Variants in HHATL observed in about 807,000 individuals in gnomAD.
HHATL encodes hedgehog acyltransferase like, also known as protein-cysteine N-palmitoyltransferase HHAT-like protein.
A neutral mutation model predicts 59.7 loss-of-function variants in HHATL; 49 were observed. That is an observed-to-expected ratio of 0.82 (90% confidence interval 0.65 to 1.04). The LOEUF (loss-of-function observed/expected upper bound fraction) is 1.04, where lower values mean the gene tolerates loss of function less well. Among genes scored for constraint, HHATL ranks in the 50% least tolerant of loss-of-function variants. The pLI is 0.00. For missense variants in HHATL, 605 were observed against 650.8 expected (o/e 0.93, Z 0.77); for synonymous variants, 238 against 257.3 (o/e 0.93, Z 0.72).
Position 42,698,756 on chromosome 3 carries a change from G to C in HHATL, c.435C>G (p.Gly145=). The C allele has an allele frequency of 1.9e-6, 3 of 1,602,120 alleles. No individual in the cohort carries two copies. Among genetic ancestry groups the C allele is most frequent in the East Asian group, 4.5e-5 (2 of 44,846 alleles). Residue 145 remains glycine, a synonymous_variant, in exon 5 of 12, where the codon GGC becomes GGG. Transcript: ENST00000441594. ...LGQPWLCLGL[G]LASLASFKMD... is the part of the protein sequence containing the mutation. ...TCTTGAAGGAGGCCAGGCTGGCCAA[G>C]CCAAGGCCAAGACAGAGCCAGGGCT...
intron 1 of HHATL, among the ~76,000 whole-genome samples, chr3:42,702,266 G>A (rs756944037): frequency 5.2e-4 from 79 of 152,232 alleles, no homozygotes; most frequent in Non-Finnish European, 9.4e-4. Flanking sequence ...GCATGGTGAA[G>A]AGCCCGTGAA....
At chr3:42,693,839 G>C in intron 9 of HHATL, 21 bp from the exon 10 acceptor site, 16 of 1,599,208 alleles carry the variant, frequency 1.0e-5, no homozygotes, top group Non-Finnish European at 1.4e-5. Context: ...GATGGGAGAA[G>C]GGCCACTGGG....
chr3:42,693,817 A>G lies in HHATL; in HGVS notation c.1048T>C (p.Tyr350His), dbSNP rs771076778. 3.1e-6 allele frequency: 5 copies of G among 1,612,726 alleles called. No homozygotes were observed. The South Asian group carries it at 4.4e-5, about 14-fold the overall frequency. The change falls in exon 10 of 12, where the codon TAT (tyrosine) becomes CAT (histidine). Residue 350 changes from tyrosine to histidine, a missense_variant and splice_region_variant. Tyr to His is a moderately conservative substitution (Grantham distance 83). Coordinates refer to ENST00000441594, the MANE Select transcript of HHATL (RefSeq NM_020707.4). The stretch of plus-strand genomic sequence containing the variant: ...TCCCCACCAATGTGGTTATACACAT[A>G]TCTGCAGGAAAGATGGGAGAAGGGC... ...DRGINDWLCK[Y>H]VYNHIGGEHS...
intron 11 of HHATL, 75 bp from the exon 12 acceptor site, chr3:42,692,950 C>A: frequency 1.9e-6 from 3 of 1,582,858 alleles, no homozygotes; most frequent in Non-Finnish European, 2.6e-6. Context: ...CCACCCCTCT[C>A]CCCGCTTGAT....
chr3:42,699,855 G>C (rs781459889), intron 2 of HHATL, 30 bp from the exon 3 acceptor site: 6 of 1,534,786 alleles, frequency 3.9e-6, no homozygotes, highest in Middle Eastern at 1.7e-4. Flanking sequence ...TCAGGGAGAG[G>C]GGCCTTCACA....
At chr3:42,696,547 C>G (rs339693) in intron 9 of HHATL, among the ~76,000 whole-genome samples, 2 of 151,936 alleles carry the variant, frequency 1.3e-5, no homozygotes, top group Non-Finnish European at 2.9e-5. Context: ...AGGCTGCAGA[C>G]AGCAATTTGA....
intron 5 of HHATL, 85 bp from the exon 6 acceptor site, chr3:42,698,436 AG>A (rs1490647539): frequency 3.7e-5 from 48 of 1,309,304 alleles, no homozygotes; most frequent in Non-Finnish European, 2.2e-5. Flanking sequence ...AGCTTCCCAC[AG>A]GGGCCCAGCC....
intron 6 of HHATL, 50 bp downstream of exon 6, chr3:42,698,092 G>T: frequency 6.4e-7 from 1 of 1,558,104 alleles, no homozygotes; most frequent in South Asian, 1.1e-5. Context: ...ACCCCAATCT[G>T]AAAAGGGAGA....
chr3:42,696,722 T>G (rs1697626746), intron 9 of HHATL, 120 bp downstream of exon 9: 1 of 1,062,374 alleles, frequency 9.4e-7, no homozygotes, highest in East Asian at 2.6e-5. Context: ...ACCTCCTCAC[T>G]GCCCTCTTTG....
rs1201331743 is a variant in HHATL at position 42,701,582 on chromosome 3, A to T, written c.-13-743T>A. ...GCCCAGGAGTAGCGGATGTGGGGCCAGGCGGGGCCAGGCGGGGCCAGGGAG... is the reference window on the plus strand; with the variant it reads ...GCCCAGGAGTAGCGGATGTGGGGCCTGGCGGGGCCAGGCGGGGCCAGGGAG... On this transcript the variant is annotated intron_variant, in intron 1 of 11. Transcript: ENST00000441594. The surrounding 1 kb of genome is among the most constrained non-coding windows in gnomAD (Gnocchi z 5.1). 1 of 151,728 alleles carries T rather than the reference A, an allele frequency of 6.6e-6. No individual in the cohort carries two copies. Among genetic ancestry groups the T allele is most frequent in the East Asian group, 2.0e-4 (1 of 5,004 alleles). The allele number at this position is 151,728 out of a possible 1,614,324, so 9.4% of individuals were successfully genotyped here. A position where few individuals can be genotyped will look rare whatever the true frequency, so the allele number is the denominator to read the frequency against.
rs1365488433 is a variant in HHATL at position 42,696,970 on chromosome 3, G to T, written c.1010+31C>A. The T allele has an allele frequency of 1.9e-6, 3 of 1,612,910 alleles. No individual in the cohort carries two copies. The Admixed American group carries it at 5.0e-5, about 27-fold the overall frequency. Reference sequence around the variant, plus strand: ...CTAGGGGAAGGTGTGGTCCCAGGGGGTGAGCCTCCCCCGTCCTGGCCAGCA... The same window carrying T: ...CTAGGGGAAGGTGTGGTCCCAGGGGTTGAGCCTCCCCCGTCCTGGCCAGCA... On this transcript the variant is annotated intron_variant, in intron 8 of 11. Coordinates refer to ENST00000441594, the MANE Select transcript of HHATL (RefSeq NM_020707.4).
Position 42,696,993 on chromosome 3 carries a change from G to A in HHATL, c.1010+8C>T, listed in dbSNP as rs375915278. 3.1e-4 allele frequency: 491 copies of A among 1,609,828 alleles called. No homozygotes were observed. The highest frequency in any genetic ancestry group is 4.0e-4 in the Non-Finnish European group (466 of 1,177,564). On this transcript the variant is annotated splice_region_variant and intron_variant, in intron 8 of 11. Coordinates refer to ENST00000441594, the MANE Select transcript of HHATL (RefSeq NM_020707.4). The stretch of plus-strand genomic sequence containing the variant: ...GGGTGAGCCTCCCCCGTCCTGGCCA[G>A]CACTCACGTTTCCGCAAAGACGTAG...
chr3:42,698,401 C>T (rs1039703999), intron 5 of HHATL, 50 bp from the exon 6 acceptor site: 1 of 1,549,120 alleles, frequency 6.5e-7, no homozygotes, highest in Admixed American at 1.7e-5. Context: ...CCTCCTGTCT[C>T]TGGAAAACCT....
In HHATL at chr3:42,699,751, G is replaced by C. The variant is rs1360613304; in HGVS notation, c.174+7C>G. 17 of 1,575,932 alleles carry C rather than the reference G, an allele frequency of 1.1e-5. No individual in the cohort carries two copies. Among genetic ancestry groups the C allele is most frequent in the South Asian group, 2.3e-5 (2 of 85,856 alleles). ...ATGGGAGGGACCCTGGGATGTGGGG[G>C]ACCTACCATCTTCCGGCCAATGTAC... On this transcript the variant is annotated splice_region_variant and intron_variant, in intron 3 of 11. Coordinates refer to ENST00000441594, the MANE Select transcript of HHATL (RefSeq NM_020707.4).
At chr3:42,702,302 C>A (rs927677094) in intron 1 of HHATL, among the ~76,000 whole-genome samples, 1 of 152,214 alleles carries the variant, frequency 6.6e-6, no homozygotes, top group Non-Finnish European at 1.5e-5. Flanking sequence ...GCCTCCCACT[C>A]GCCACTTTCC....
Position 42,698,922 on chromosome 3 carries a change from T to G in HHATL, c.289-20A>C, listed in dbSNP as rs143122687. The G allele has an allele frequency of 6.6e-4, 1,054 of 1,603,860 alleles. 7 individuals carry two copies. The African/African-American group carries it at 0.013, about 19-fold the overall frequency. Reference sequence around the variant, plus strand: ...GCGGAGCTGTGGGCAGGGAGAAGGCTTCAGTTTCGCCATATAAATGGGGGC... The same window carrying G: ...GCGGAGCTGTGGGCAGGGAGAAGGCGTCAGTTTCGCCATATAAATGGGGGC... On this transcript the variant is annotated intron_variant, in intron 4 of 11. Transcript: ENST00000441594.
Position 42,693,632 on chromosome 3 carries a change from G to C in HHATL, c.1233C>G (p.Pro411=), listed in dbSNP as rs1320375364. 2 of 1,614,028 alleles carry C rather than the reference G, an allele frequency of 1.2e-6. No homozygotes were observed. Among genetic ancestry groups the C allele is most frequent in the Non-Finnish European group, 1.7e-6 (2 of 1,179,992 alleles). The part of the protein sequence containing the change: ...LWMQKLAEWG[P]LARIEASLSV... Reference sequence around the variant, plus strand: ...CCCTGCTCACCTCAATTCGTGCTAGGGGCCCCCACTCTGCCAGTTTTTGCA... The same window carrying C: ...CCCTGCTCACCTCAATTCGTGCTAGCGGCCCCCACTCTGCCAGTTTTTGCA... Residue 411 remains proline (P), a synonymous_variant, in exon 10 of 12, where the codon CCC becomes CCG. Transcript: ENST00000441594.
At chr3:42,699,232 C>T in intron 3 of HHATL, 87 bp from the exon 4 acceptor site, 1 of 742,142 alleles carries the variant, frequency 1.3e-6, no homozygotes, top group Admixed American at 2.2e-5. Flanking sequence ...GGTCAGAGCC[C>T]CAGCACCTTT....
intron 2 of HHATL, among the ~76,000 whole-genome samples, chr3:42,700,378 GTC>G (rs1697900981): frequency 7.2e-6 from 1 of 138,926 alleles, no homozygotes; most frequent in African/African-American, 2.8e-5. Flanking sequence ...GTGTGTGTGT[GTC>G]GGGATGTGTG....
Sources: allele counts gnomAD v4.1 joint callset (sites outside exome capture counted in the v4.1 genomes callset), GRCh38; gene constraint gnomAD v4.1.1; non-coding constraint Gnocchi (gnomAD v3.1); transcripts MANE v1.5; gene names NCBI Gene and HGNC (gene_info 2026-07-23, HGNC 2026-07-21).